The following MBTPS2 variants were observed in gnomAD, a reference collection of about 807,000 sequenced individuals.
The protein encoded by MBTPS2 is membrane bound transcription factor peptidase, site 2.
Under a neutral mutation model 35.4 loss-of-function variants are expected in MBTPS2, and 2 were observed. The ratio of observed to expected loss-of-function variants is 0.06; its 90% CI spans 0.02 to 0.18. The LOEUF (loss-of-function observed/expected upper bound fraction) is 0.18. Ranked by LOEUF, MBTPS2 falls within the 10% of genes least tolerant of loss-of-function variation. The probability of loss-of-function intolerance (pLI) is 1.00; values close to 1 mark genes in which losing one functional copy is unlikely to be tolerated. For synonymous variants in MBTPS2, 125 were observed against 140.4 expected (o/e 0.89, Z 0.77); for missense variants, 244 against 386.5 (o/e 0.63, Z 3.09).
intron 5 of MBTPS2, among the ~76,000 whole-genome samples, chrX:21,861,370 A>T (rs969101343): frequency 8.9e-6 from 1 of 111,997 alleles, no homozygotes; most frequent in Non-Finnish European, 1.9e-5. Flanking sequence ...GACGCCTAAC[A>T]TTATAAGCAA....
chrX:21,883,870 CT>C lies in MBTPS2; in HGVS notation c.*1216del, dbSNP rs1292422989. ...GGTCTTTTGGAGTGGAGATGCAGCCCTGGGAAATTTGGGGAGTCAGCAGGCC... is the reference window on the plus strand; with the variant it reads ...GGTCTTTTGGAGTGGAGATGCAGCCCGGGAAATTTGGGGAGTCAGCAGGCC... On this transcript the variant is annotated 3_prime_UTR_variant, in exon 11 of 11. Coordinates refer to ENST00000379484, the MANE Select transcript of MBTPS2 (RefSeq NM_015884.4). The C allele has an allele frequency of 2.7e-6, 2 of 751,838 alleles. No homozygotes were observed. The highest frequency in any genetic ancestry group is 3.1e-6 in the Non-Finnish European group (2 of 639,043). The allele number at this position is 751,838 out of a possible 1,213,427, so 62.0% of individuals were successfully genotyped here.
At position 21,880,490 on chromosome X, in the gene MBTPS2, A is replaced by C. The variant is rs1257198085; in HGVS notation, c.1262-407A>C. Among the ~76,000 whole-genome samples, 5 of 111,211 alleles carry C rather than the reference A, an allele frequency of 4.5e-5. 1 individual carries two copies. Among genetic ancestry groups the C allele is most frequent in the Middle Eastern group, 8.3e-3 (2 of 240 alleles). On this transcript the variant is annotated intron_variant, in intron 9 of 10. Coordinates refer to ENST00000379484, the MANE Select transcript of MBTPS2 (RefSeq NM_015884.4). ...TTTTGAACAAAAACAGGATTATGGA[A>C]TCCACAGAGTAGATGAGACTTTAAA...
At chrX:21,881,956 T>C (rs748237063) in intron 10 of MBTPS2, among the ~76,000 whole-genome samples, 189 of 111,651 alleles carry the variant, frequency 1.7e-3, no homozygotes, top group Non-Finnish European at 2.0e-3. Context: ...ACAAAAAAGA[T>C]TGTACTTTAT....
chrX:21,863,632 T>C lies in MBTPS2; in HGVS notation c.671-4835T>C, dbSNP rs187909673. Among the ~76,000 whole-genome samples the C allele has an allele frequency of 8.4e-4, 94 of 112,145 alleles. 1 individual carries two copies. In the East Asian group the frequency reaches 0.02, roughly 24 times the overall value. The stretch of plus-strand genomic sequence containing the variant: ...GGTTAAAATGTACTGAGACTTCTTT[T>C]TCCTTAAAATTGACACCTAATGTCC... On this transcript the variant is annotated intron_variant, in intron 5 of 10. Transcript: ENST00000379484.
In MBTPS2 at chrX:21,878,679, T is replaced by C; in HGVS notation, c.1248T>C (p.His416=). The stretch of plus-strand genomic sequence containing the variant: ...TGTTATACGTAGGACATCCTCTGCA[T>C]CTTCACTACACAGGTGAGTATTTTT... ...IDMLYVGHPL[H]LHYTVSITSF... The change falls in exon 9 of 11, where the codon CAT becomes CAC. Residue 416 remains histidine (H), a synonymous_variant. Transcript: ENST00000379484. 8.3e-7 allele frequency: 1 copy of C among 1,197,739 alleles called. No homozygotes were observed. The highest frequency in any genetic ancestry group is 1.1e-6 in the Non-Finnish European group (1 of 882,796).
At chrX:21,852,617 T>C (rs2092916038) in intron 4 of MBTPS2, among the ~76,000 whole-genome samples, 1 of 110,558 alleles carries the variant, frequency 9.0e-6, no homozygotes, top group Non-Finnish European at 1.9e-5. Flanking sequence ...AAAAATAACT[T>C]GGGTAATTTT....
At chrX:21,845,522 C>A in intron 3 of MBTPS2, 138 bp downstream of exon 3, 1 of 573,069 alleles carries the variant, frequency 1.7e-6, no homozygotes, top group Non-Finnish European at 2.6e-6. Flanking sequence ...TACCTGCTTA[C>A]ACAAAAAAAT....
chrX:21,880,015 G>A (rs1195294096), intron 9 of MBTPS2, among the ~76,000 whole-genome samples: 4 of 91,647 alleles, frequency 4.4e-5, no homozygotes, highest in Non-Finnish European at 8.1e-5. Flanking sequence ...GTGCAATGGC[G>A]CAATCTCGGC....
chrX:21,868,467 G>C lies in MBTPS2; in HGVS notation c.671G>C (p.Gly224Ala). The C allele has an allele frequency of 8.6e-7, 1 of 1,164,808 alleles. No homozygotes were observed. The highest frequency in any genetic ancestry group is 1.8e-5 in the South Asian group (1 of 55,893). Reference sequence around the variant, plus strand: ...ATTGCTTTTTTTCCTCTCTTTCCAGGTATCTGGCATAATTTTGTCCTTGCA... The same window carrying C: ...ATTGCTTTTTTTCCTCTCTTTCCAGCTATCTGGCATAATTTTGTCCTTGCA... ...PVQQLRIFCAGIWHNFVLALL... is the reference protein window; with the variant it reads ...PVQQLRIFCAAIWHNFVLALL... The change falls in exon 6 of 11, where the codon GGT becomes GCT. Residue 224 changes from glycine (G) to alanine (A), a missense_variant and splice_region_variant. Physicochemically the swap from Gly to Ala is moderately conservative, Grantham distance 60. Transcript: ENST00000379484.
intron 5 of MBTPS2, chrX:21,857,913 A>T: frequency 4.8e-6 from 1 of 206,413 alleles, no homozygotes; most frequent in Admixed American, 7.1e-5. Flanking sequence ...CAAACTGTTT[A>T]AAATGGGACT....
At chrX:21,844,591 A>G (rs2092906536) in intron 2 of MBTPS2, among the ~76,000 whole-genome samples, 1 of 112,686 alleles carries the variant, frequency 8.9e-6, no homozygotes, top group African/African-American at 3.2e-5. Context: ...GACTATTAAG[A>G]AAATTCTATG....
chrX:21,848,210 A>T (rs1366631509), intron 3 of MBTPS2, among the ~76,000 whole-genome samples: 1 of 111,596 alleles, frequency 9.0e-6, no homozygotes, highest in Non-Finnish European at 1.9e-5. Context: ...ACCTGAGGTC[A>T]GGAGTTCGAG....
At chrX:21,842,102 A>G (rs2092903244) in intron 1 of MBTPS2, 1 of 112,242 alleles carries the variant, frequency 8.9e-6, no homozygotes, top group African/African-American at 3.2e-5. Context: ...TCCTTCTTGG[A>G]CAGATAAGTT....
rs746485686 is a variant in MBTPS2 at position 21,867,863 on chromosome X, T to A, written c.671-604T>A. Reference sequence around the variant, plus strand: ...ACCATGTTGGCCAAGCTGGTGTTGATCTCCTGACCTCGTGATCCGCCCGCC... The same window carrying A: ...ACCATGTTGGCCAAGCTGGTGTTGAACTCCTGACCTCGTGATCCGCCCGCC... On this transcript the variant is annotated intron_variant, in intron 5 of 10. Coordinates refer to ENST00000379484, the MANE Select transcript of MBTPS2 (RefSeq NM_015884.4). Among the ~76,000 whole-genome samples, 46 of 110,990 alleles carry A rather than the reference T, an allele frequency of 4.1e-4. 1 individual carries two copies. The highest frequency in any genetic ancestry group is 3.8e-4 in the South Asian group (1 of 2,640).
At chrX:21,844,181 C>A (rs1338537099) in intron 2 of MBTPS2, among the ~76,000 whole-genome samples, 3 of 107,887 alleles carry the variant, frequency 2.8e-5, no homozygotes, top group African/African-American at 1.0e-4. Context: ...AAACCCCTAC[C>A]ATGACTGATG....
At chrX:21,858,492 G>C (rs1452603795) in intron 5 of MBTPS2, 1 of 123,116 alleles carries the variant, frequency 8.1e-6, no homozygotes, top group Non-Finnish European at 1.9e-5. Flanking sequence ...TAAAGAAAAG[G>C]GGGAGGGTGC....
At chrX:21,844,443 G>A (rs1183801160) in intron 2 of MBTPS2, among the ~76,000 whole-genome samples, 1 of 111,930 alleles carries the variant, frequency 8.9e-6, no homozygotes, top group African/African-American at 3.2e-5. Flanking sequence ...AGCTCTGGGA[G>A]GTGAAGGCTG....
intron 5 of MBTPS2, among the ~76,000 whole-genome samples, chrX:21,860,895 T>A (rs2092930606): frequency 8.9e-6 from 1 of 112,239 alleles, no homozygotes; most frequent in Non-Finnish European, 1.9e-5. Context: ...TGAATATCTT[T>A]TATAATCTTG....
Position 21,884,207 on chromosome X carries a change from C to G in MBTPS2, c.*1552C>G, listed in dbSNP as rs2092962340. The G allele has an allele frequency of 1.4e-6, 1 of 693,824 alleles. No individual in the cohort carries two copies. The highest frequency in any genetic ancestry group is 8.9e-5 in the Admixed American group (1 of 11,239). The allele number at this position is 693,824 out of a possible 1,213,427, so 57.2% of individuals were successfully genotyped here. The stretch of plus-strand genomic sequence containing the variant: ...AATGACTTGGGTCATCAGTTAATAC[C>G]AGTACTAAAACCATACGAATTATTG... On this transcript the variant is annotated 3_prime_UTR_variant, in exon 11 of 11. Coordinates refer to ENST00000379484, the MANE Select transcript of MBTPS2 (RefSeq NM_015884.4).
Sources: allele counts gnomAD v4.1 joint callset (sites outside exome capture counted in the v4.1 genomes callset), GRCh38; gene constraint gnomAD v4.1.1; transcripts MANE v1.5; gene names NCBI Gene and HGNC (gene_info 2026-07-23, HGNC 2026-07-21).